Variants in ADAMTS2 observed in about 807,000 individuals in gnomAD.
ADAMTS2 encodes A disintegrin and metalloproteinase with thrombospondin motifs 2.
ADAMTS2 carries 50 observed loss-of-function variants against 123.0 expected under a neutral mutation model. That is an observed-to-expected ratio of 0.41 (90% CI 0.32 to 0.51). The LOEUF is 0.51. Among genes scored for constraint, ADAMTS2 ranks in the 20% least tolerant of loss-of-function variants. The pLI, the probability that ADAMTS2 is intolerant of heterozygous loss-of-function variation, is 0.35. For synonymous variants in ADAMTS2, 678 were observed against 695.4 expected (o/e 0.98, Z 0.39); for missense variants, 1,494 against 1,705.2 (o/e 0.88, Z 2.18).
rs752162591 is a variant in ADAMTS2 at position 179,227,391 on chromosome 5, G to A, written c.689-19676C>T. On this transcript the variant is annotated intron_variant, in intron 3 of 21. Transcript: ENST00000251582. ...CCCCCAGCCTGGCCTGCTCCCTGACGACTCTACACTTGGCAGCTGAAGGGG... is the reference window on the plus strand; with the variant it reads ...CCCCCAGCCTGGCCTGCTCCCTGACAACTCTACACTTGGCAGCTGAAGGGG... Among the ~76,000 whole-genome samples, 3 of 152,098 alleles carry A rather than the reference G, an allele frequency of 2.0e-5. No homozygotes were observed. In the East Asian group the frequency reaches 5.8e-4, roughly 29 times the overall value.
At chr5:179,116,263 C>CT (rs1350221854) in intron 21 of ADAMTS2, among the ~76,000 whole-genome samples, 1 of 118,442 alleles carries the variant, frequency 8.4e-6, no homozygotes. Flanking sequence ...CCACGGCACC[C>CT]CCCCCCCACC....
At chr5:179,321,504 C>T (rs1581273900) in intron 2 of ADAMTS2, among the ~76,000 whole-genome samples, 1 of 152,144 alleles carries the variant, frequency 6.6e-6, no homozygotes, top group Non-Finnish European at 1.5e-5. Context: ...CCTCTTGAAC[C>T]TCTCTCATCC....
intron 2 of ADAMTS2, among the ~76,000 whole-genome samples, chr5:179,323,721 G>T (rs1757244115): frequency 6.6e-6 from 1 of 152,246 alleles, no homozygotes; most frequent in South Asian, 2.1e-4. Context: ...CAGCACCGCT[G>T]CTGCAGACCA....
intron 3 of ADAMTS2, among the ~76,000 whole-genome samples, chr5:179,209,522 G>GCACA (rs112513570): frequency 0.011 from 1,600 of 151,228 alleles, 13 homozygotes; most frequent in Non-Finnish European, 0.013. Flanking sequence ...ACACACACAT[G>GCACA]CACACACACA....
intron 2 of ADAMTS2, among the ~76,000 whole-genome samples, chr5:179,320,331 G>A (rs984151435): frequency 3.3e-5 from 5 of 152,086 alleles, no homozygotes; most frequent in South Asian, 2.1e-4. Flanking sequence ...TTTTTGAGAC[G>A]GAGTCTCGCT....
intron 10 of ADAMTS2, among the ~76,000 whole-genome samples, chr5:179,142,868 T>C (rs1763194208): frequency 1.3e-5 from 2 of 152,154 alleles, no homozygotes; most frequent in Non-Finnish European, 2.9e-5. Flanking sequence ...GTTTCTTCAA[T>C]GTATTATCTA....
intron 2 of ADAMTS2, among the ~76,000 whole-genome samples, chr5:179,302,062 C>T (rs892843524): frequency 1.2e-4 from 18 of 152,312 alleles, no homozygotes; most frequent in African/African-American, 4.3e-4. Context: ...AGCCCTTCCG[C>T]CAGCCTCTGG....
chr5:179,241,172 C>A (rs1435264488), intron 3 of ADAMTS2, among the ~76,000 whole-genome samples: 1 of 152,188 alleles, frequency 6.6e-6, no homozygotes, highest in Non-Finnish European at 1.5e-5. Context: ...TAGGAGTGAA[C>A]CTTCGAGAAC....
At chr5:179,309,078 T>C (rs1275746333) in intron 2 of ADAMTS2, among the ~76,000 whole-genome samples, 1 of 152,184 alleles carries the variant, frequency 6.6e-6, no homozygotes, top group Admixed American at 6.5e-5. Context: ...AGCTGCGCCA[T>C]CCACAGGAAG....
At chr5:179,269,636 A>G (rs1009061432) in intron 3 of ADAMTS2, among the ~76,000 whole-genome samples, 44 of 152,184 alleles carry the variant, frequency 2.9e-4, no homozygotes, top group African/African-American at 1.0e-3. Context: ...ATTCAGGTGG[A>G]GACACAGAGA....
chr5:179,134,825 TCCCGGCTCCAGCCCC>T (rs1232653741), intron 13 of ADAMTS2, among the ~76,000 whole-genome samples: 29 of 48,924 alleles, frequency 5.9e-4, no homozygotes, highest in African/African-American at 2.8e-3. Context: ...AGCCCCCAGC[TCCCGGCTCCAGCCCC>T]CAGCTCCCGG....
chr5:179,247,956 G>A (rs1486265716), intron 3 of ADAMTS2, among the ~76,000 whole-genome samples: 2 of 152,000 alleles, frequency 1.3e-5, no homozygotes, highest in African/African-American at 4.8e-5. Context: ...ACTAATAAAG[G>A]GAACCCCAAA....
At chr5:179,133,279 T>A (rs1011321734) in intron 13 of ADAMTS2, among the ~76,000 whole-genome samples, 3 of 152,178 alleles carry the variant, frequency 2.0e-5, no homozygotes, top group Non-Finnish European at 4.4e-5. Flanking sequence ...TTTTTACATT[T>A]TTTTTTGAGA....
chr5:179,157,557 A>G (rs1763500389), intron 6 of ADAMTS2, among the ~76,000 whole-genome samples: 1 of 147,340 alleles, frequency 6.8e-6, no homozygotes, highest in Admixed American at 6.8e-5. Context: ...TCGCTCTGTC[A>G]CCCAGGCTGG....
rs1221095793 is a variant in ADAMTS2, at chr5:179,300,089, C to T, written c.535-27025G>A. 2.9e-5 allele frequency among the ~76,000 whole-genome samples: 3 copies of T among 103,638 alleles called. No homozygotes were observed. The Admixed American group carries it at 3.3e-4, about 11-fold the overall frequency. 68.0% of individuals were successfully genotyped at this position (103,638 alleles called of 152,430 possible). A position where few individuals can be genotyped will look rare whatever the true frequency, so the allele number is the denominator to read the frequency against. On this transcript the variant is annotated intron_variant, in intron 2 of 21. Coordinates refer to ENST00000251582, the MANE Select transcript of ADAMTS2 (RefSeq NM_014244.5). ...CAGCCTGGGCGACAGAGTGAGACTCCGTCTCAAAAAAAAAAAAAAAAAAAG... is the reference window on the plus strand; with the variant it reads ...CAGCCTGGGCGACAGAGTGAGACTCTGTCTCAAAAAAAAAAAAAAAAAAAG...
At chr5:179,269,112 A>AT (rs1303304637) in intron 3 of ADAMTS2, among the ~76,000 whole-genome samples, 2 of 152,140 alleles carry the variant, frequency 1.3e-5, no homozygotes, top group Non-Finnish European at 2.9e-5. Context: ...GGGCGACATG[A>AT]CCCGGGGGCA....
chr5:179,279,923 C>T (rs1204063708), intron 2 of ADAMTS2, among the ~76,000 whole-genome samples: 1 of 152,270 alleles, frequency 6.6e-6, no homozygotes, highest in African/African-American at 2.4e-5. Context: ...CTGTCCTCAC[C>T]CGCATCTCCA....
chr5:179,318,281 A>T (rs1757057309), intron 2 of ADAMTS2, among the ~76,000 whole-genome samples: 1 of 152,250 alleles, frequency 6.6e-6, no homozygotes, highest in South Asian at 2.1e-4. Context: ...CTGCGATGCG[A>T]GAGTATTAAT....
intron 2 of ADAMTS2, among the ~76,000 whole-genome samples, chr5:179,295,793 G>T (rs1756311243): frequency 6.6e-6 from 1 of 152,216 alleles, no homozygotes; most frequent in African/African-American, 2.4e-5. Flanking sequence ...CTCTGGAAGG[G>T]ATTCAGGAGC....
Sources: allele counts gnomAD v4.1 joint callset (sites outside exome capture counted in the v4.1 genomes callset), GRCh38; gene constraint gnomAD v4.1.1; transcripts MANE v1.5; gene names NCBI Gene and HGNC (gene_info 2026-07-23, HGNC 2026-07-21).